ARSG: variants seen among roughly 807,000 people sequenced by gnomAD.
ARSG encodes the protein arylsulfatase G, also known as ASG.
Under a neutral mutation model 50.5 loss-of-function variants are expected in ARSG, and 37 were observed. That is an observed-to-expected ratio of 0.73 (90% CI 0.56 to 0.96). ARSG has a LOEUF of 0.96. Ranked by LOEUF, ARSG falls within the 50% of genes least tolerant of loss-of-function variation. The pLI is 0.00. For missense variants in ARSG, 629 were observed against 675.3 expected, an observed-to-expected ratio of 0.93 and a Z score of 0.76; for synonymous variants, 225 against 254.6, an observed-to-expected ratio of 0.88 and a Z score of 1.11.
chr17:68,307,677 G>A lies in ARSG; in HGVS notation c.184G>A (p.Ala62Thr), dbSNP rs782745339. 9 of 1,603,912 alleles carry A rather than the reference G, an allele frequency of 5.6e-6. No individual in the cohort carries two copies. The highest frequency in any genetic ancestry group is 2.2e-5 in the South Asian group (2 of 90,844). Residue 62 changes from alanine (A) to threonine (T), a missense_variant, in exon 2 of 12, where the codon GCC becomes ACC. Ala to Thr is a moderately conservative substitution (Grantham distance 58). Coordinates refer to ENST00000621439, the MANE Select transcript of ARSG (RefSeq NM_001267727.2). ...GANWAETKDT[A>T]NLDKMASEGM... Reference sequence around the variant, plus strand: ...AAACTGGGCAGAAACAAAGGACACTGCCAACCTTGATAAGATGGCTTCGGA... The same window carrying A: ...AAACTGGGCAGAAACAAAGGACACTACCAACCTTGATAAGATGGCTTCGGA...
At chr17:68,374,203 T>C (rs1166861493) in intron 8 of ARSG, among the ~76,000 whole-genome samples, 2 of 147,748 alleles carry the variant, frequency 1.4e-5, no homozygotes, top group Non-Finnish European at 3.0e-5. Flanking sequence ...AAATACAGCA[T>C]AAATGGGAGT....
intron 11 of ARSG, among the ~76,000 whole-genome samples, chr17:68,401,935 G>C (rs1007910036): frequency 2.0e-5 from 3 of 152,156 alleles, no homozygotes; most frequent in African/African-American, 7.2e-5. Flanking sequence ...TACTGTATCA[G>C]GATGGTCCTC....
the ARSG span, among the ~76,000 whole-genome samples, chr17:68,439,854 C>T: frequency 3.3e-5 from 5 of 152,124 alleles, no homozygotes; most frequent in African/African-American, 1.2e-4. Context: ...GATGCCAAGC[C>T]TTCGTTTCTT....
chr17:68,433,508 C>T, the ARSG span: 175 of 1,613,958 alleles, frequency 1.1e-4, no homozygotes, highest in Middle Eastern at 4.1e-3. Flanking sequence ...TGTACCGTCT[C>T]GGTGTTACTG....
chr17:68,413,692 G>A (rs1395681736), intron 11 of ARSG: 3 of 158,278 alleles, frequency 1.9e-5, no homozygotes, highest in South Asian at 2.0e-4. Context: ...CCTGGGCAAT[G>A]GCAGGCGCCC....
the ARSG span, chr17:68,441,098 GACC>G: frequency 2.0e-5 from 3 of 152,190 alleles, no homozygotes; most frequent in Non-Finnish European, 2.9e-5. Context: ...TCAGCTCTGT[GACC>G]ACCTCCTCCA....
chr17:68,259,964 G>A (rs1438769934), intron 1 of ARSG, among the ~76,000 whole-genome samples: 11 of 152,232 alleles, frequency 7.2e-5, no homozygotes, highest in Admixed American at 4.6e-4. Context: ...AAGCTGAAAG[G>A]GTGTATGTAG....
the ARSG span, chr17:68,430,069 T>C: frequency 1.2e-6 from 2 of 1,614,176 alleles, no homozygotes; most frequent in Non-Finnish European, 1.7e-6. Context: ...TCCTGATGCA[T>C]CATGTCTGAC....
chr17:68,269,777 G>A (rs1417912190), intron 1 of ARSG, among the ~76,000 whole-genome samples: 7 of 146,306 alleles, frequency 4.8e-5, no homozygotes, highest in African/African-American at 1.8e-4. Context: ...AGGTTCAAGC[G>A]ATTCTCCTGC....
intron 10 of ARSG, 60 bp downstream of exon 10, chr17:68,395,253 T>A: frequency 6.2e-7 from 1 of 1,600,064 alleles, no homozygotes; most frequent in Non-Finnish European, 8.5e-7. Flanking sequence ...CTGCTGCCTC[T>A]CACCTCTGTG....
rs1000623507 is a variant in ARSG, at chr17:68,381,360, T to C, written c.983-3704T>C. ...TTGCTTTAAGAGGTTCTGCTTTAAT[T>C]AGAGTCACAAGTAACCACAAGTGCG... On this transcript the variant is annotated intron_variant, in intron 8 of 11. Coordinates refer to ENST00000621439, the MANE Select transcript of ARSG (RefSeq NM_001267727.2). This position sits in a 1 kb window ranked among gnomAD's most constrained non-coding sequence, Gnocchi z 4.1. 1.9e-4 allele frequency among the ~76,000 whole-genome samples: 29 copies of C among 152,344 alleles called. No homozygotes were observed. Among genetic ancestry groups the C allele is most frequent in the African/African-American group, 7.0e-4 (29 of 41,576 alleles).
upstream of ARSG, chr17:68,291,174 T>C (rs143320275): frequency 1.3e-5 from 2 of 151,630 alleles, no homozygotes; most frequent in Non-Finnish European, 2.9e-5. Flanking sequence ...CTCGGTAACA[T>C]GAGAAAAGGA....
downstream of ARSG, chr17:68,424,412 C>T (rs372601596): frequency 3.2e-5 from 17 of 533,416 alleles, no homozygotes; most frequent in African/African-American, 9.6e-5. Context: ...CACGGATCTG[C>T]GGGAGAAAGA....
chr17:68,295,671 ATTTTTTTTTTTT>A (rs56840354), intron 1 of ARSG, among the ~76,000 whole-genome samples: 1 of 114,540 alleles, frequency 8.7e-6, no homozygotes, highest in African/African-American at 4.2e-5. Context: ...TCTAAGACAA[ATTTTTTTTTTTT>A]TTTTTTTTTT....
intron 11 of ARSG, among the ~76,000 whole-genome samples, chr17:68,410,031 A>G (rs1264537797): frequency 2.0e-5 from 3 of 151,412 alleles, no homozygotes; most frequent in South Asian, 2.1e-4. Flanking sequence ...GGCTGAGACA[A>G]TGGGGTTTTC....
At chr17:68,420,919 C>G (rs2082728628), downstream of ARSG, 1 of 164,078 alleles carries the variant, frequency 6.1e-6, no homozygotes, top group Non-Finnish European at 1.3e-5. Flanking sequence ...GTATTTAGGG[C>G]AGAGCTTCTC....
intron 8 of ARSG, among the ~76,000 whole-genome samples, chr17:68,380,489 G>A (rs567523641): frequency 3.9e-5 from 6 of 152,010 alleles, no homozygotes; most frequent in African/African-American, 1.2e-4. Context: ...GTCTGGTCTC[G>A]GACTCCTGGG....
chr17:68,431,555 T>C, the ARSG span, among the ~76,000 whole-genome samples: 117,172 of 152,062 alleles, frequency 0.77, 45,216 homozygotes, highest in Admixed American at 0.81. Context: ...GGAGGTGTCA[T>C]GTTCAAAGGG....
chr17:68,301,548 TCACCTGGACC>T (rs1285643343), intron 1 of ARSG, among the ~76,000 whole-genome samples: 13 of 152,226 alleles, frequency 8.5e-5, no homozygotes, highest in African/African-American at 3.1e-4. Context: ...TCACCTGGAC[TCACCTGGACC>T]CATGCAAGAG....
Sources: allele counts gnomAD v4.1 joint callset (sites outside exome capture counted in the v4.1 genomes callset), GRCh38; gene constraint gnomAD v4.1.1; non-coding constraint Gnocchi (gnomAD v3.1); transcripts MANE v1.5; gene names NCBI Gene and HGNC (gene_info 2026-07-23, HGNC 2026-07-21).